The following SCHIP1 variants were observed in gnomAD, a reference collection of about 807,000 sequenced individuals.
SCHIP1 encodes schwannomin interacting protein 1.
Under a neutral mutation model 29.7 loss-of-function variants are expected in SCHIP1, and 8 were observed. The ratio of observed to expected loss-of-function variants is 0.27; its 90% CI spans 0.16 to 0.49. SCHIP1 has a LOEUF of 0.49. SCHIP1 is among the 20% of genes least tolerant of loss of function. SCHIP1 has a pLI of 0.99. For missense variants in SCHIP1, 193 were observed against 294.6 expected (o/e 0.66, Z 2.52); for synonymous variants, 76 against 94.9 (o/e 0.80, Z 1.16).
the SCHIP1 span, among the ~76,000 whole-genome samples, chr3:159,751,458 A>T: frequency 6.6e-6 from 1 of 152,178 alleles, no homozygotes; most frequent in East Asian, 1.9e-4. Context: ...AGATTAGTGG[A>T]TGATTTATGG....
the SCHIP1 span, among the ~76,000 whole-genome samples, chr3:159,815,022 G>A: frequency 6.6e-6 from 1 of 152,082 alleles, no homozygotes; most frequent in Admixed American, 6.5e-5. Flanking sequence ...TTAAGGAGGG[G>A]GTGTAATCCA....
At chr3:159,606,594 G>T in the SCHIP1 span, among the ~76,000 whole-genome samples, 1 of 152,132 alleles carries the variant, frequency 6.6e-6, no homozygotes, top group Non-Finnish European at 1.5e-5. Flanking sequence ...TATGGGCAGA[G>T]TTCAAGGAAT....
exon 1 of SCHIP1, chr3:159,840,136 C>T (rs1744091591): frequency 1.3e-6 from 2 of 1,533,978 alleles, no homozygotes; most frequent in Non-Finnish European, 1.7e-6. Flanking sequence ...CCCTCCGCAG[C>T]CTCGCTCAGC....
the SCHIP1 span, among the ~76,000 whole-genome samples, chr3:159,723,210 T>C: frequency 6.6e-6 from 1 of 152,330 alleles, no homozygotes; most frequent in South Asian, 2.1e-4. Flanking sequence ...ATCAAAATAC[T>C]TATACATGTT....
the SCHIP1 span, among the ~76,000 whole-genome samples, chr3:159,582,178 T>G: frequency 6.6e-6 from 1 of 152,076 alleles, no homozygotes; most frequent in South Asian, 2.1e-4. Context: ...TGTTTTTGTT[T>G]TGTCTTGTTT....
chr3:159,311,860 T>C, the SCHIP1 span, among the ~76,000 whole-genome samples: 1 of 152,164 alleles, frequency 6.6e-6, no homozygotes, highest in African/African-American at 2.4e-5. Context: ...ATAAGGTGGC[T>C]TATAGTTAGA....
At chr3:159,409,317 C>T in the SCHIP1 span, among the ~76,000 whole-genome samples, 1 of 151,582 alleles carries the variant, frequency 6.6e-6, no homozygotes, top group Non-Finnish European at 1.5e-5. Context: ...AAAAAAGGCA[C>T]CCAAATTAGA....
chr3:159,387,210 C>A, the SCHIP1 span: 1 of 186,158 alleles, frequency 5.4e-6, no homozygotes, highest in Non-Finnish European at 1.1e-5. Context: ...CATTTAACAC[C>A]CAGATGATGT....
the SCHIP1 span, among the ~76,000 whole-genome samples, chr3:159,341,899 T>C: frequency 2.0e-5 from 3 of 152,180 alleles, no homozygotes; most frequent in African/African-American, 7.2e-5. Context: ...TTTTAAAATA[T>C]TTATATAAAC....
chr3:159,877,338 G>C (rs192724178), intron 2 of SCHIP1, among the ~76,000 whole-genome samples: 1 of 152,156 alleles, frequency 6.6e-6, no homozygotes, highest in African/African-American at 2.4e-5. Context: ...TGACAAGAGC[G>C]AAACTCTGTT....
At chr3:159,708,707 C>T in the SCHIP1 span, among the ~76,000 whole-genome samples, 11 of 152,228 alleles carry the variant, frequency 7.2e-5, no homozygotes, top group Non-Finnish European at 1.2e-4. Flanking sequence ...GAGATGGTGA[C>T]GTACGCAGGA....
the SCHIP1 span, among the ~76,000 whole-genome samples, chr3:159,599,442 A>G: frequency 6.6e-6 from 1 of 152,090 alleles, no homozygotes; most frequent in African/African-American, 2.4e-5. Flanking sequence ...CCAAAGTATC[A>G]TTCTTATGCC....
At chr3:159,430,073 G>A in the SCHIP1 span, among the ~76,000 whole-genome samples, 1 of 152,234 alleles carries the variant, frequency 6.6e-6, no homozygotes, top group Non-Finnish European at 1.5e-5. Flanking sequence ...TTGAAAAATT[G>A]TTTAGAAAAG....
chr3:159,799,737 T>C, the SCHIP1 span, among the ~76,000 whole-genome samples: 8 of 152,266 alleles, frequency 5.3e-5, no homozygotes, highest in Non-Finnish European at 1.0e-4. Flanking sequence ...CACAGAAGTT[T>C]CGTAAGGCTG....
At chr3:159,356,192 AAAACTT>A in the SCHIP1 span, among the ~76,000 whole-genome samples, 4 of 150,876 alleles carry the variant, frequency 2.7e-5, no homozygotes, top group African/African-American at 1.0e-4. Context: ...CATGTACCCT[AAAACTT>A]AAAGTATAAT....
chr3:159,777,944 C>T, the SCHIP1 span, among the ~76,000 whole-genome samples: 8,947 of 152,052 alleles, frequency 0.059, 346 homozygotes, highest in South Asian at 0.21. Context: ...ATAAACTAAA[C>T]AATTTTAGGA....
At chr3:159,747,813 A>G in the SCHIP1 span, among the ~76,000 whole-genome samples, 1 of 152,354 alleles carries the variant, frequency 6.6e-6, no homozygotes, top group South Asian at 2.1e-4. Context: ...TGTGTATACT[A>G]AATTATAACA....
chr3:159,438,215 G>A, the SCHIP1 span, among the ~76,000 whole-genome samples: 1 of 152,100 alleles, frequency 6.6e-6, no homozygotes, highest in African/African-American at 2.4e-5. Context: ...TCGAAATGGG[G>A]TATAGGGCTG....
the SCHIP1 span, among the ~76,000 whole-genome samples, chr3:159,434,428 TA>T: frequency 4.7e-5 from 7 of 147,386 alleles, no homozygotes; most frequent in East Asian, 2.0e-4. Flanking sequence ...ATGGTTCCAG[TA>T]AAAAAAAAAG....
Sources: allele counts gnomAD v4.1 joint callset (sites outside exome capture counted in the v4.1 genomes callset), GRCh38; gene constraint gnomAD v4.1.1; transcripts MANE v1.5; gene names NCBI Gene and HGNC (gene_info 2026-07-23, HGNC 2026-07-21).